The following HMCN1 variants were observed in gnomAD, a reference collection of about 807,000 sequenced individuals.
The protein encoded by HMCN1 is hemicentin 1, also known as hemicentin-1.
Under a neutral mutation model 625.9 loss-of-function variants are expected in HMCN1, and 321 were observed. The observed-to-expected ratio is 0.51, with a 90% CI of 0.47 to 0.56. The LOEUF is 0.56. Among genes scored for constraint, HMCN1 ranks in the 20% least tolerant of loss-of-function variants. The probability of loss-of-function intolerance (pLI) is 0.00; values close to 1 mark genes in which losing one functional copy is unlikely to be tolerated. For synonymous variants in HMCN1, 2,425 were observed against 2,417.6 expected, an observed-to-expected ratio of 1.00 and a Z score of -0.09; for missense variants, 6,588 against 6,887.3, an observed-to-expected ratio of 0.96 and a Z score of 1.54.
chr1:185,764,442 A>C (rs1655729441), intron 1 of HMCN1, among the ~76,000 whole-genome samples: 1 of 152,138 alleles, frequency 6.6e-6, no homozygotes, highest in Admixed American at 6.5e-5. Flanking sequence ...TTTTTTAGGA[A>C]GAGTTGGATT....
chr1:185,912,658 T>C (rs1571548596), intron 6 of HMCN1, among the ~76,000 whole-genome samples: 1 of 152,126 alleles, frequency 6.6e-6, no homozygotes, highest in South Asian at 2.1e-4. Context: ...AAAAGGTTGT[T>C]CGGCTGAGGA....
chr1:185,810,668 G>T (rs931467203), intron 1 of HMCN1, among the ~76,000 whole-genome samples: 5 of 152,006 alleles, frequency 3.3e-5, no homozygotes, highest in African/African-American at 4.8e-5. Context: ...GTGTGTGTGT[G>T]TGTGTGTGTG....
chr1:186,030,500 C>T (rs1460919125), intron 36 of HMCN1, among the ~76,000 whole-genome samples: 1 of 151,814 alleles, frequency 6.6e-6, no homozygotes, highest in African/African-American at 2.4e-5. Context: ...TAGTATAGCC[C>T]CTGCAGTTCT....
chr1:185,889,051 A>G (rs1228737699), intron 4 of HMCN1, among the ~76,000 whole-genome samples: 1 of 141,234 alleles, frequency 7.1e-6, no homozygotes, highest in East Asian at 2.0e-4. Context: ...ATTCCTAGGT[A>G]TTTTATTCTC....
intron 36 of HMCN1, among the ~76,000 whole-genome samples, chr1:186,035,722 A>T (rs902785162): frequency 7.9e-5 from 12 of 152,050 alleles, no homozygotes; most frequent in African/African-American, 2.7e-4. Context: ...TTTATATTTT[A>T]TAGCTTTATT....
intron 4 of HMCN1, among the ~76,000 whole-genome samples, chr1:185,881,286 G>C (rs1433577190): frequency 6.6e-6 from 1 of 152,248 alleles, no homozygotes; most frequent in African/African-American, 2.4e-5. Flanking sequence ...TATTGCTGGT[G>C]AAAGTAGCTC....
At chr1:186,138,664 G>A (rs1418073265) in intron 89 of HMCN1, among the ~76,000 whole-genome samples, 4 of 152,100 alleles carry the variant, frequency 2.6e-5, no homozygotes, top group Admixed American at 2.6e-4. Flanking sequence ...GGCTCACAGG[G>A]GCCTTATAAT....
At chr1:185,832,840 T>G (rs959707104) in intron 1 of HMCN1, among the ~76,000 whole-genome samples, 1 of 152,186 alleles carries the variant, frequency 6.6e-6, no homozygotes, top group Non-Finnish European at 1.5e-5. Flanking sequence ...AGGAAAGTTT[T>G]TGCAACTTAC....
intron 83 of HMCN1, among the ~76,000 whole-genome samples, chr1:186,128,850 A>G (rs1278471901): frequency 1.3e-5 from 2 of 152,054 alleles, no homozygotes; most frequent in Non-Finnish European, 2.9e-5. Context: ...TCATCAGCAT[A>G]AAGACTGTCA....
intron 1 of HMCN1, among the ~76,000 whole-genome samples, chr1:185,823,255 G>A (rs936166021): frequency 6.6e-6 from 1 of 152,056 alleles, no homozygotes; most frequent in Non-Finnish European, 1.5e-5. Flanking sequence ...ATGCGTTCTT[G>A]AGAAAGATCA....
chr1:186,106,960 T>C lies in HMCN1; in HGVS notation c.10847T>C (p.Val3616Ala). The C allele has an allele frequency of 1.2e-6, 2 of 1,604,418 alleles. No individual in the cohort carries two copies. Among genetic ancestry groups the C allele is most frequent in the Non-Finnish European group, 8.5e-7 (1 of 1,171,244 alleles). Residue 3616 changes from valine (V) to alanine (A), a missense_variant, in exon 70 of 107, where the codon GTG becomes GCG. Val to Ala is a moderately conservative substitution (Grantham distance 64, BLOSUM62 0). This residue lies in a region of HMCN1 where 4,628 missense variants were observed against 4,853.1 expected (regional missense o/e 0.95). Coordinates refer to ENST00000271588, the MANE Select transcript of HMCN1 (RefSeq NM_031935.3). ...GDDDKEYLVR[V>A]HVPPNIAGTD... ...GATGATAAGGAATATCTAGTGAGAG[T>C]GCATGGTAAATTTGACAAAATATCC...
chr1:186,070,543 G>T (rs1658413586), intron 51 of HMCN1, 69 bp from the exon 52 acceptor site: 1 of 1,335,172 alleles, frequency 7.5e-7, no homozygotes, highest in African/African-American at 1.4e-5. Context: ...AATCCTCAGT[G>T]TGATTTCTGT....
At chr1:185,874,053 T>C (rs114127759) in intron 4 of HMCN1, among the ~76,000 whole-genome samples, 23 of 152,120 alleles carry the variant, frequency 1.5e-4, no homozygotes, top group African/African-American at 5.5e-4. Context: ...TTAAAGATAA[T>C]TTAAACCTTT....
intron 4 of HMCN1, among the ~76,000 whole-genome samples, chr1:185,875,359 G>C (rs983890662): frequency 6.6e-6 from 1 of 152,010 alleles, no homozygotes; most frequent in East Asian, 1.9e-4. Flanking sequence ...TCTATGCTAT[G>C]AGCTATGAGG....
Position 185,734,851 on chromosome 1 carries a change from G to C in HMCN1, c.72G>C (p.Ala24=). The change falls in exon 1 of 107, where the codon GCG becomes GCC. Residue 24 remains alanine, a synonymous_variant. Transcript: ENST00000271588. ...TTTATTCTTCCCTAGCTCAAGATGC[G>C]AGCCCCCAGTCAGAGATCAGAGCTG... ...ALLYSSLAQD[A]SPQSEIRAEE... 2 of 1,613,926 alleles carry C rather than the reference G, an allele frequency of 1.2e-6. No individual in the cohort carries two copies. Among genetic ancestry groups the C allele is most frequent in the Admixed American group, 1.7e-5 (1 of 60,006 alleles).
At position 186,189,844 on chromosome 1, in the gene HMCN1, T is replaced by C. The variant is rs775710168; in HGVS notation, c.16874T>C (p.Ile5625Thr). 6.2e-7 allele frequency: 1 copy of C among 1,613,806 alleles called. No homozygotes were observed. The highest frequency in any genetic ancestry group is 8.5e-7 in the Non-Finnish European group (1 of 1,179,796). ...ACCATTGAATATCAGACCACATTCA[T>C]AGTTTATATAGCTGTGTCCGCCTAT... ...NGTIEYQTTF[I>T]VYIAVSAYPY The change falls in exon 107 of 107, where the codon ATA becomes ACA. Residue 5625 changes from isoleucine (I) to threonine (T), a missense_variant. This residue lies in a region of HMCN1 where 1,954 missense variants were observed against 2,013.1 expected (regional missense o/e 0.97). Transcript: ENST00000271588.
At chr1:185,804,403 A>G (rs535604803) in intron 1 of HMCN1, among the ~76,000 whole-genome samples, 56 of 152,200 alleles carry the variant, frequency 3.7e-4, no homozygotes, top group Admixed American at 3.6e-3. Context: ...ACCTAAACTC[A>G]AATAACTAGA....
chr1:186,145,149 G>A (rs1355661509), intron 91 of HMCN1, among the ~76,000 whole-genome samples: 2 of 152,198 alleles, frequency 1.3e-5, no homozygotes, highest in Non-Finnish European at 2.9e-5. Flanking sequence ...ATACCCTCCA[G>A]CTCCTGGAAT....
intron 24 of HMCN1, 134 bp from the exon 25 acceptor site, chr1:185,997,295 T>A: frequency 2.8e-6 from 2 of 702,294 alleles, no homozygotes; most frequent in East Asian, 5.4e-5. Context: ...GTTTGGCAAC[T>A]GGAAATAGGA....
Sources: allele counts gnomAD v4.1 joint callset (sites outside exome capture counted in the v4.1 genomes callset), GRCh38; gene constraint gnomAD v4.1.1; regional missense constraint gnomAD v4.1.1; transcripts MANE v1.5; gene names NCBI Gene and HGNC (gene_info 2026-07-23, HGNC 2026-07-21).